The following CHLSN variants were observed in gnomAD, a reference collection of about 807,000 sequenced individuals.
CHLSN encodes protein cholesin.
chr7:1,016,071 GCACAGCAGCA>G, the CHLSN span, among the ~76,000 whole-genome samples: 1,063 of 110,250 alleles, frequency 9.6e-3, 181 homozygotes, highest in African/African-American at 0.037. Flanking sequence ...ACACGCCAGC[GCACAGCAGCA>G]CACAGCAGCG....
At chr7:1,052,253 CCCT>C in the CHLSN span, among the ~76,000 whole-genome samples, 1 of 152,374 alleles carries the variant, frequency 6.6e-6, no homozygotes, top group East Asian at 1.9e-4. The surrounding 1 kb of genome is among the most constrained non-coding windows in gnomAD (Gnocchi z 4.2). Context: ...TCGAGGCGTG[CCCT>C]CCTGAGAGGC....
chr7:1,133,332 A>G, the CHLSN span, among the ~76,000 whole-genome samples: 1 of 150,684 alleles, frequency 6.6e-6, no homozygotes, highest in African/African-American at 2.4e-5. Flanking sequence ...TTCTTGTGGC[A>G]GAAGGAAAAA....
chr7:1,042,369 C>G, the CHLSN span, among the ~76,000 whole-genome samples: 1 of 152,242 alleles, frequency 6.6e-6, no homozygotes, highest in Non-Finnish European at 1.5e-5. Context: ...AACCGCGAAG[C>G]TGAGTCAGGG....
chr7:1,113,885 G>A, the CHLSN span, among the ~76,000 whole-genome samples: 34 of 152,236 alleles, frequency 2.2e-4, 1 homozygote, highest in Admixed American at 2.6e-4. Context: ...AGGAGGCCAC[G>A]CTCTGCTCCG....
At chr7:1,107,881 GGAGACC>G in the CHLSN span, among the ~76,000 whole-genome samples, 4 of 146,982 alleles carry the variant, frequency 2.7e-5, no homozygotes, top group African/African-American at 1.0e-4. Flanking sequence ...GTCCCACACT[GGAGACC>G]CGCACCCCGG....
chr7:1,135,950 T>TATATAAGTATATATAA, the CHLSN span, among the ~76,000 whole-genome samples: 1 of 86,450 alleles, frequency 1.2e-5, no homozygotes, highest in Non-Finnish European at 2.1e-5. Flanking sequence ...TATATATAAA[T>TATATAAGTATATATAA]ATATATAAAT....
chr7:1,005,310 C>T, the CHLSN span, among the ~76,000 whole-genome samples: 2 of 152,162 alleles, frequency 1.3e-5, no homozygotes, highest in Admixed American at 6.5e-5. Flanking sequence ...AATCAACCCA[C>T]AAAAAGCGGG....
the CHLSN span, among the ~76,000 whole-genome samples, chr7:1,099,700 T>C: frequency 6.6e-6 from 1 of 152,204 alleles, no homozygotes; most frequent in African/African-American, 2.4e-5. Flanking sequence ...CTGCAGAGCT[T>C]GGTTGCCAGG....
At chr7:1,052,008 C>T in the CHLSN span, among the ~76,000 whole-genome samples, 90,170 of 152,136 alleles carry the variant, frequency 0.59, 27,268 homozygotes, top group African/African-American at 0.7. The surrounding 1 kb of genome is among the most constrained non-coding windows in gnomAD (Gnocchi z 4.2). Flanking sequence ...GAAGGAGGAA[C>T]AGATGAATCC....
chr7:1,016,860 C>A, the CHLSN span, among the ~76,000 whole-genome samples: 1 of 76,544 alleles, frequency 1.3e-5, no homozygotes, highest in Non-Finnish European at 2.6e-5. Context: ...CAGCAGCACA[C>A]AGCACACAGC....
chr7:1,016,503 G>GCA, the CHLSN span, among the ~76,000 whole-genome samples: 8 of 112,656 alleles, frequency 7.1e-5, no homozygotes, highest in Middle Eastern at 6.4e-3. Flanking sequence ...GCGCACAGCA[G>GCA]CACAGCAGCG....
the CHLSN span, among the ~76,000 whole-genome samples, chr7:1,029,970 C>G: frequency 6.6e-6 from 1 of 152,198 alleles, no homozygotes; most frequent in Non-Finnish European, 1.5e-5. Flanking sequence ...CTGCCTGCAG[C>G]GGCTATGCAG....
chr7:1,054,515 G>A, the CHLSN span, among the ~76,000 whole-genome samples: 2 of 152,220 alleles, frequency 1.3e-5, no homozygotes, highest in East Asian at 3.9e-4. Flanking sequence ...GGACGCACGT[G>A]AGCGCAGGGA....
the CHLSN span, among the ~76,000 whole-genome samples, chr7:1,059,674 G>A: frequency 2.8e-5 from 4 of 141,506 alleles, no homozygotes; most frequent in Non-Finnish European, 4.7e-5. Context: ...TCCATAGTGA[G>A]GCGGGTCCGT....
chr7:1,109,960 G>A, the CHLSN span, among the ~76,000 whole-genome samples: 2 of 152,182 alleles, frequency 1.3e-5, no homozygotes, highest in African/African-American at 2.4e-5. Flanking sequence ...CAGCCTCGCC[G>A]GGCCGTGGGC....
At chr7:1,055,147 C>A in the CHLSN span, 2 of 435,164 alleles carry the variant, frequency 4.6e-6, no homozygotes, top group African/African-American at 4.1e-5. Flanking sequence ...AAGAGGCCAG[C>A]TGTGCTCAGT....
At chr7:1,099,152 TCG>T in the CHLSN span, among the ~76,000 whole-genome samples, 2 of 135,258 alleles carry the variant, frequency 1.5e-5, no homozygotes, top group Non-Finnish European at 3.2e-5. Context: ...TTCCGGAGCC[TCG>T]CTGTCGCGTT....
chr7:1,028,474 G>A, the CHLSN span: 1 of 985,434 alleles, frequency 1.0e-6, no homozygotes, highest in Non-Finnish European at 1.2e-6. Flanking sequence ...TGGGAGAGCC[G>A]GGGCGGGGCC....
At chr7:1,134,506 T>C in the CHLSN span, among the ~76,000 whole-genome samples, 3 of 151,004 alleles carry the variant, frequency 2.0e-5, no homozygotes, top group East Asian at 1.9e-4. Flanking sequence ...ACTATGGAGA[T>C]TACAGTGAGC....
Sources: gnomAD v4.1 joint callset for allele counts (sites outside exome capture counted in the v4.1 genomes callset) on GRCh38, gnomAD v4.1.1 for gene constraint, Gnocchi (gnomAD v3.1) non-coding constraint, MANE v1.5 for transcripts, NCBI Gene and HGNC (gene_info 2026-07-23, HGNC 2026-07-21) for gene names.